GAS2: variants seen among roughly 807,000 people sequenced by gnomAD.
GAS2 encodes the protein growth arrest specific 2.
Under a neutral mutation model 37.5 loss-of-function variants are expected in GAS2, and 20 were observed. That is an observed-to-expected ratio of 0.53 (90% confidence interval 0.37 to 0.77). The LOEUF is 0.77. GAS2 is among the 30% of genes least tolerant of loss of function. GAS2 has a pLI of 0.00. For synonymous variants in GAS2, 144 were observed against 132.2 expected (o/e 1.09, Z -0.61); for missense variants, 336 against 373.4 (o/e 0.90, Z 0.82).
intron 1 of GAS2, among the ~76,000 whole-genome samples, chr11:22,669,201 C>A (rs895367773): frequency 2.6e-5 from 4 of 152,162 alleles, no homozygotes; most frequent in Admixed American, 2.6e-4. Context: ...AGAATTTTCT[C>A]AACTTAGATA....
chr11:22,680,223 A>G (rs974620465), intron 2 of GAS2, among the ~76,000 whole-genome samples: 1 of 152,072 alleles, frequency 6.6e-6, no homozygotes, highest in Admixed American at 6.6e-5. Context: ...CCGTTAGTTC[A>G]AAAGTTTACA....
intron 7 of GAS2, among the ~76,000 whole-genome samples, chr11:22,808,303 A>C (rs921362784): frequency 1.1e-4 from 16 of 152,358 alleles, no homozygotes; most frequent in East Asian, 3.9e-4. Context: ...TTACAAAGGC[A>C]GGAAAGTAAA....
chr11:22,760,847 C>T (rs531364369), intron 7 of GAS2, among the ~76,000 whole-genome samples: 7 of 152,162 alleles, frequency 4.6e-5, no homozygotes, highest in African/African-American at 1.4e-4. Context: ...CAAACAGATA[C>T]AGTTAAAAAT....
At position 22,700,673 on chromosome 11, in the gene GAS2, A is replaced by G. The variant is rs75530469; in HGVS notation, c.267+14884A>G. On this transcript the variant is annotated intron_variant, in intron 3 of 7. Coordinates refer to ENST00000454584, the MANE Select transcript of GAS2 (RefSeq NM_001143830.3). ...AGAGCATTATATAAAGGTAAAAATTATGATAAAAATGAGCATATTTATATC... is the reference window on the plus strand; with the variant it reads ...AGAGCATTATATAAAGGTAAAAATTGTGATAAAAATGAGCATATTTATATC... Among the ~76,000 whole-genome samples, 322 of 152,326 alleles carry G rather than the reference A, an allele frequency of 2.1e-3. 8 individuals are homozygous for G. The East Asian group carries it at 0.051, about 24-fold the overall frequency.
chr11:22,632,137 TA>T (rs1319078299), intron 1 of GAS2, among the ~76,000 whole-genome samples: 3 of 152,138 alleles, frequency 2.0e-5, no homozygotes, highest in Non-Finnish European at 1.5e-5. Context: ...TCTTGAAGGA[TA>T]TTTTTTATTT....
chr11:22,715,556 G>A (rs146546386), intron 3 of GAS2, among the ~76,000 whole-genome samples: 108 of 151,444 alleles, frequency 7.1e-4, no homozygotes, highest in African/African-American at 1.9e-3. Context: ...ACCATTTAAG[G>A]CTACTATGAA....
intron 5 of GAS2, among the ~76,000 whole-genome samples, chr11:22,743,171 A>G (rs1049246698): frequency 2.0e-5 from 3 of 152,144 alleles, no homozygotes; most frequent in Non-Finnish European, 2.9e-5. Flanking sequence ...GATAGTTCTG[A>G]CATTTCACAA....
At chr11:22,756,942 T>A (rs371795615) in intron 7 of GAS2, among the ~76,000 whole-genome samples, 2 of 152,228 alleles carry the variant, frequency 1.3e-5, no homozygotes, top group Admixed American at 6.5e-5. Flanking sequence ...TAAGTCAAAC[T>A]GCCTGCTGTC....
chr11:22,733,263 C>T (rs529704675), intron 4 of GAS2, among the ~76,000 whole-genome samples: 8 of 151,730 alleles, frequency 5.3e-5, no homozygotes, highest in Admixed American at 2.0e-4. Context: ...TTCTACTATA[C>T]CACTCTCCTT....
chr11:22,766,782 A>T (rs1015863558), intron 7 of GAS2, among the ~76,000 whole-genome samples: 1 of 152,192 alleles, frequency 6.6e-6, no homozygotes, highest in African/African-American at 2.4e-5. Context: ...ACTAAGGAAC[A>T]TTTACAATTT....
chr11:22,699,739 A>G (rs1157181907), intron 3 of GAS2, among the ~76,000 whole-genome samples: 1 of 152,150 alleles, frequency 6.6e-6, no homozygotes, highest in Non-Finnish European at 1.5e-5. Flanking sequence ...TTTGGTTATT[A>G]TGGGGACTAA....
At chr11:22,656,728 C>CTAA (rs1848859606) in intron 1 of GAS2, among the ~76,000 whole-genome samples, 1 of 152,136 alleles carries the variant, frequency 6.6e-6, no homozygotes. Flanking sequence ...GGTCATATTA[C>CTAA]AGTGCACATC....
intron 5 of GAS2, among the ~76,000 whole-genome samples, chr11:22,742,515 A>G (rs534606098): frequency 2.2e-4 from 33 of 152,168 alleles, no homozygotes; most frequent in Non-Finnish European, 4.3e-4. Flanking sequence ...GACAGACAGG[A>G]AGCCAGTGAA....
intron 3 of GAS2, among the ~76,000 whole-genome samples, chr11:22,705,735 A>G (rs1177985966): frequency 1.7e-4 from 26 of 152,210 alleles, no homozygotes; most frequent in Non-Finnish European, 1.5e-5. Flanking sequence ...CACATGCTTC[A>G]TGCCTTTGTG....
intron 7 of GAS2, among the ~76,000 whole-genome samples, chr11:22,806,462 T>C (rs892074944): frequency 3.3e-5 from 5 of 152,210 alleles, no homozygotes; most frequent in African/African-American, 4.8e-5. Context: ...CTTGTATATA[T>C]ACCTAGTGGT....
chr11:22,710,969 G>GGACTAA (rs1237548392), intron 3 of GAS2, among the ~76,000 whole-genome samples: 1 of 152,186 alleles, frequency 6.6e-6, no homozygotes, highest in Non-Finnish European at 1.5e-5. Flanking sequence ...ATAAGAGACA[G>GGACTAA]GACTAACAAG....
chr11:22,750,820 AG>A (rs1295729673), intron 6 of GAS2, among the ~76,000 whole-genome samples: 1 of 151,838 alleles, frequency 6.6e-6, no homozygotes, highest in Non-Finnish European at 1.5e-5. Flanking sequence ...ACTTCCTTAT[AG>A]TCTATTTCCT....
intron 1 of GAS2, among the ~76,000 whole-genome samples, chr11:22,647,322 T>C (rs983153720): frequency 1.2e-4 from 18 of 152,158 alleles, no homozygotes; most frequent in African/African-American, 4.3e-4. Context: ...CAGTCTATCA[T>C]TGTTGGACAC....
At chr11:22,771,988 C>T (rs1020451254) in intron 7 of GAS2, among the ~76,000 whole-genome samples, 2 of 151,638 alleles carry the variant, frequency 1.3e-5, no homozygotes, top group South Asian at 4.2e-4. Flanking sequence ...ATTTATTATC[C>T]CCATTAATAA....
Sources: gnomAD v4.1 joint callset for allele counts (sites outside exome capture counted in the v4.1 genomes callset) on GRCh38, gnomAD v4.1.1 for gene constraint, MANE v1.5 for transcripts, NCBI Gene and HGNC (gene_info 2026-07-23, HGNC 2026-07-21) for gene names.